The following FRMD4A variants were observed in gnomAD, a reference collection of about 807,000 sequenced individuals.
The protein encoded by FRMD4A is FERM domain containing 4A, also known as FERM domain-containing protein 4A.
In FRMD4A, 29 loss-of-function variants were observed where a neutral mutation model predicts 129.1. The observed-to-expected ratio is 0.22, with a 90% CI of 0.17 to 0.31. FRMD4A has a LOEUF of 0.31. FRMD4A is among the 10% of genes least tolerant of loss of function. The pLI, the probability that FRMD4A is intolerant of heterozygous loss-of-function variation, is 1.00. For missense variants in FRMD4A, 1,272 were observed against 1,375.8 expected (o/e 0.92, Z 1.19); for synonymous variants, 634 against 571.6 (o/e 1.11, Z -1.56).
intron 13 of FRMD4A, among the ~76,000 whole-genome samples, chr10:13,703,947 G>A (rs1032293993): frequency 6.6e-6 from 1 of 152,184 alleles, no homozygotes; most frequent in Non-Finnish European, 1.5e-5. Context: ...GGAGGGTGCA[G>A]TGAGCCGAGA....
intron 14 of FRMD4A, 81 bp downstream of exon 14, chr10:13,701,259 T>TC: frequency 7.4e-7 from 1 of 1,352,002 alleles, no homozygotes; most frequent in Non-Finnish European, 1.0e-6. Flanking sequence ...ACATGGCGCC[T>TC]CCCCCACCCA....
intron 2 of FRMD4A, among the ~76,000 whole-genome samples, chr10:13,898,283 T>C (rs2094780782): frequency 6.6e-6 from 1 of 152,054 alleles, no homozygotes; most frequent in Non-Finnish European, 1.5e-5. Flanking sequence ...GGAGAATTAC[T>C]TGAACCCAGG....
intron 6 of FRMD4A, among the ~76,000 whole-genome samples, chr10:13,769,887 G>A (rs1345769345): frequency 6.6e-6 from 1 of 152,132 alleles, no homozygotes; most frequent in Non-Finnish European, 1.5e-5. Context: ...CTGGCTCCCT[G>A]GTTCTCAGGT....
intron 2 of FRMD4A, among the ~76,000 whole-genome samples, chr10:14,236,239 G>A (rs75514320): frequency 0.011 from 1,704 of 152,288 alleles, 38 homozygotes; most frequent in African/African-American, 0.039. Flanking sequence ...GGAGGACTTG[G>A]GTCCTGGGCA....
At position 13,925,636 on chromosome 10, in the gene FRMD4A, T is replaced by C. The variant is rs901742734; in HGVS notation, c.46-66724A>G. The stretch of plus-strand genomic sequence containing the variant: ...TCTCACTCCGTTGCCCAGGCTGGAG[T>C]GCGGTGGCGTGATCTCGGCTCACTG... On this transcript the variant is annotated intron_variant, in intron 2 of 24. Transcript: ENST00000357447. Among the ~76,000 whole-genome samples, 11 of 128,356 alleles carry C rather than the reference T, an allele frequency of 8.6e-5. No homozygotes were observed. In the South Asian group the frequency reaches 1.1e-3, roughly 13 times the overall value. The allele number at this position is 128,356 out of a possible 152,430, so 84.2% of individuals were successfully genotyped here. A position where few individuals can be genotyped will look rare whatever the true frequency, so the allele number is the denominator to read the frequency against.
intron 3 of FRMD4A, among the ~76,000 whole-genome samples, chr10:13,849,160 T>C (rs768102193): frequency 2.0e-5 from 3 of 152,206 alleles, no homozygotes; most frequent in Non-Finnish European, 4.4e-5. Flanking sequence ...CCTTTGGCTC[T>C]TGTTTCAGGA....
chr10:13,870,502 C>T (rs566188682), intron 2 of FRMD4A, among the ~76,000 whole-genome samples: 6 of 152,336 alleles, frequency 3.9e-5, no homozygotes, highest in Non-Finnish European at 5.9e-5. Flanking sequence ...CAAAGCCCAT[C>T]GCTGTGGTCT....
rs532191748 is a variant in FRMD4A, at chr10:13,926,158, G to C, written c.46-67246C>G. On this transcript the variant is annotated intron_variant, in intron 2 of 24. Transcript: ENST00000357447. ...GCTTCTGTATATTGTGCATTAACTA[G>C]AAGTGATGTGAAGAAATGGAACAGA... Among the ~76,000 whole-genome samples, 242 of 152,296 alleles carry C rather than the reference G, an allele frequency of 1.6e-3. 5 individuals carry two copies. Among genetic ancestry groups the C allele is most frequent in the Non-Finnish European group, 5.7e-4 (39 of 68,038 alleles).
intron 2 of FRMD4A, among the ~76,000 whole-genome samples, chr10:14,185,605 A>C (rs975250866): frequency 7.1e-6 from 1 of 141,824 alleles, no homozygotes; most frequent in Admixed American, 7.3e-5. Context: ...ACAGGTAGAG[A>C]GACAGAAAGG....
chr10:13,654,107 C>CAAAA lies in FRMD4A; in HGVS notation c.3050+308_3050+309insTTTT, dbSNP rs2081926066. 46 of 516,946 alleles carry CAAAA rather than the reference C, an allele frequency of 8.9e-5. 1 individual carries two copies. In the South Asian group the frequency reaches 1.4e-3, roughly 15 times the overall value. The allele number at this position is 516,946 out of a possible 1,614,324, so 32.0% of individuals were successfully genotyped here. A position where few individuals can be genotyped will look rare whatever the true frequency, so the allele number is the denominator to read the frequency against. ...GAGTCAGCCTGAGTATAATCCAAAC[C>CAAAA]GAAATGAAATGCTGTCTGGAAATCT... On this transcript the variant is annotated intron_variant, in intron 23 of 24. Transcript: ENST00000357447.
intron 2 of FRMD4A, among the ~76,000 whole-genome samples, chr10:14,185,961 G>A (rs1347173874): frequency 6.6e-6 from 1 of 152,174 alleles, no homozygotes; most frequent in Non-Finnish European, 1.5e-5. Flanking sequence ...CATCAGGTGA[G>A]AGGAAAAGCA....
chr10:13,750,065 GAAGGAAGAAAGAAAGA>G lies in FRMD4A; in HGVS notation c.465-2262_465-2247del, dbSNP rs1157147949. Reference sequence around the variant, plus strand: ...AAAGGAAAGGAAGGAAGGAAGGAAGGAAGGAAGAAAGAAAGAAAGAAAGAAAGAAAGAAAGAAAGAA... The same window carrying G: ...AAAGGAAAGGAAGGAAGGAAGGAAGGAAGAAAGAAAGAAAGAAAGAAAGAA... On this transcript the variant is annotated intron_variant, in intron 8 of 24. Coordinates refer to ENST00000357447, the MANE Select transcript of FRMD4A (RefSeq NM_018027.5). 5.1e-3 allele frequency among the ~76,000 whole-genome samples: 387 copies of G among 75,814 alleles called. 1 individual carries two copies. The highest frequency in any genetic ancestry group is 9.2e-3 in the South Asian group (15 of 1,634). 49.7% of individuals were successfully genotyped at this position (75,814 alleles called of 152,430 possible).
At chr10:14,067,540 C>T (rs573688176) in intron 2 of FRMD4A, among the ~76,000 whole-genome samples, 6 of 151,192 alleles carry the variant, frequency 4.0e-5, no homozygotes, top group Admixed American at 6.6e-5. Flanking sequence ...GTCATGAGGC[C>T]GGGCGCAGTG....
intron 3 of FRMD4A, among the ~76,000 whole-genome samples, chr10:13,849,473 A>T: frequency 7.4e-6 from 1 of 134,884 alleles, no homozygotes; most frequent in Non-Finnish European, 1.6e-5. Flanking sequence ...GTAGAAAACA[A>T]TCTCCTGCAT....
At chr10:14,162,135 C>T (rs1467053964) in intron 2 of FRMD4A, among the ~76,000 whole-genome samples, 1 of 150,702 alleles carries the variant, frequency 6.6e-6, no homozygotes, top group African/African-American at 2.4e-5. Context: ...TGTATAAAAC[C>T]TTCAAAATCT....
intron 2 of FRMD4A, among the ~76,000 whole-genome samples, chr10:13,966,397 C>A (rs2095485529): frequency 6.6e-6 from 1 of 152,164 alleles, no homozygotes; most frequent in Admixed American, 6.5e-5. Flanking sequence ...AAAGTAATGG[C>A]AAACCCGCAA....
At chr10:14,201,526 A>G (rs1264729527) in intron 2 of FRMD4A, among the ~76,000 whole-genome samples, 1 of 152,202 alleles carries the variant, frequency 6.6e-6, no homozygotes. Flanking sequence ...TCTGAGTTGT[A>G]CTAATATTGC....
At chr10:13,850,602 G>T (rs2094127593) in intron 3 of FRMD4A, among the ~76,000 whole-genome samples, 1 of 152,216 alleles carries the variant, frequency 6.6e-6, no homozygotes, top group Non-Finnish European at 1.5e-5. Flanking sequence ...TTCCATTGCA[G>T]ACCTGAGATA....
chr10:14,233,992 C>T (rs749934156), intron 2 of FRMD4A, among the ~76,000 whole-genome samples: 1 of 152,212 alleles, frequency 6.6e-6, no homozygotes, highest in Admixed American at 6.5e-5. Context: ...CTCTTCCTTT[C>T]TACTGTGCCA....
Sources: allele counts gnomAD v4.1 joint callset (sites outside exome capture counted in the v4.1 genomes callset), GRCh38; gene constraint gnomAD v4.1.1; transcripts MANE v1.5; gene names NCBI Gene and HGNC (gene_info 2026-07-23, HGNC 2026-07-21).